EYS: variants seen among roughly 807,000 people sequenced by gnomAD.
The protein encoded by EYS is EGF-like photoreceptor maintenance factor, also known as protein eyes shut homolog.
EYS carries 250 observed loss-of-function variants against 282.1 expected under a neutral mutation model. The observed-to-expected ratio is 0.89, with a 90% confidence interval of 0.80 to 0.98. The LOEUF (loss-of-function observed/expected upper bound fraction) is 0.98. EYS is among the 50% of genes least tolerant of loss of function. EYS has a pLI of 0.00. For missense variants in EYS, 4,016 were observed against 3,709.0 expected (o/e 1.08, Z -2.15); for synonymous variants, 1,355 against 1,282.9 (o/e 1.06, Z -1.20).
At chr6:65,657,330 C>T (rs1336396973) in intron 1 of EYS, among the ~76,000 whole-genome samples, 1 of 151,660 alleles carries the variant, frequency 6.6e-6, no homozygotes, top group Admixed American at 6.6e-5. Flanking sequence ...TGCCGTAGAT[C>T]GTGATTTCTC....
At chr6:64,412,775 T>G (rs1773943229) in intron 28 of EYS, 1 of 152,122 alleles carries the variant, frequency 6.6e-6, no homozygotes, top group Non-Finnish European at 1.5e-5. Flanking sequence ...ATCAGACATG[T>G]GCAATTATCT....
At chr6:65,472,332 G>A (rs570089721) in intron 5 of EYS, among the ~76,000 whole-genome samples, 3 of 152,118 alleles carry the variant, frequency 2.0e-5, no homozygotes, top group Non-Finnish European at 2.9e-5. Context: ...TCTCTTGGAA[G>A]GCAGTACGTT....
intron 15 of EYS, among the ~76,000 whole-genome samples, chr6:64,917,075 C>A (rs1486202045): frequency 1.3e-5 from 2 of 152,030 alleles, no homozygotes; most frequent in African/African-American, 4.8e-5. Context: ...ATGGTGAAAC[C>A]CTGTCTCTAC....
intron 35 of EYS, among the ~76,000 whole-genome samples, chr6:63,890,835 A>G (rs1397271089): frequency 1.3e-5 from 2 of 151,122 alleles, no homozygotes; most frequent in African/African-American, 4.8e-5. Flanking sequence ...TTAACAAAAT[A>G]GAACACAAGC....
At chr6:65,486,407 A>T (rs1301153761) in intron 5 of EYS, among the ~76,000 whole-genome samples, 14 of 152,172 alleles carry the variant, frequency 9.2e-5, no homozygotes. Context: ...ACATTTTGGT[A>T]ACAGAATGCT....
At chr6:65,257,041 TG>T (rs1767487334) in intron 12 of EYS, among the ~76,000 whole-genome samples, 1 of 52,968 alleles carries the variant, frequency 1.9e-5, no homozygotes. Flanking sequence ...CATTTTTTCA[TG>T]TGTTTTTTGG....
chr6:65,468,891 A>T (rs985358176), intron 5 of EYS, among the ~76,000 whole-genome samples: 1 of 152,156 alleles, frequency 6.6e-6, no homozygotes, highest in Non-Finnish European at 1.5e-5. Context: ...TAAAACTTTA[A>T]GATTCTATGA....
intron 13 of EYS, among the ~76,000 whole-genome samples, chr6:65,047,342 G>C (rs1384079862): frequency 6.6e-6 from 1 of 151,662 alleles, no homozygotes; most frequent in Non-Finnish European, 1.5e-5. Flanking sequence ...TATTACCAAA[G>C]AACGACAGAT....
At chr6:63,840,506 T>A (rs1771928672) in intron 36 of EYS, among the ~76,000 whole-genome samples, 1 of 152,120 alleles carries the variant, frequency 6.6e-6, no homozygotes, top group Non-Finnish European at 1.5e-5. Flanking sequence ...TCTGTTGATT[T>A]TTTTTCCTTT....
At chr6:65,293,016 T>C (rs1582108615) in intron 12 of EYS, among the ~76,000 whole-genome samples, 1 of 151,734 alleles carries the variant, frequency 6.6e-6, no homozygotes, top group South Asian at 2.1e-4. Flanking sequence ...ATAAGGCTTA[T>C]CTCAGTCTCA....
At chr6:63,836,235 G>T (rs1035160552) in intron 36 of EYS, among the ~76,000 whole-genome samples, 1 of 152,026 alleles carries the variant, frequency 6.6e-6, no homozygotes, top group Non-Finnish European at 1.5e-5. Flanking sequence ...AACTTTGAAA[G>T]TATTTTGCTA....
intron 12 of EYS, among the ~76,000 whole-genome samples, chr6:65,106,082 TACTC>T (rs1561968402): frequency 1.3e-5 from 2 of 151,934 alleles, no homozygotes; most frequent in Admixed American, 6.6e-5. Context: ...TGGGGCTACT[TACTC>T]AGTAAATTCT....
At chr6:65,018,485 C>T (rs1159494906) in intron 13 of EYS, among the ~76,000 whole-genome samples, 1 of 152,142 alleles carries the variant, frequency 6.6e-6, no homozygotes, top group East Asian at 1.9e-4. Context: ...ATTAAGGGCC[C>T]ACCTACTCCA....
chr6:65,057,552 A>G, intron 13 of EYS, 62 bp downstream of exon 13: 2 of 981,428 alleles, frequency 2.0e-6, no homozygotes, highest in Non-Finnish European at 1.6e-6. Context: ...TTCAGACAAG[A>G]GACAGAAGTG....
chr6:64,197,106 T>C (rs1468116013), intron 31 of EYS, among the ~76,000 whole-genome samples: 2 of 152,144 alleles, frequency 1.3e-5, no homozygotes, highest in African/African-American at 4.8e-5. Flanking sequence ...CTTGCAGAGA[T>C]TCAATAAAAG....
chr6:64,215,391 TGTAA>T (rs1276436554), intron 31 of EYS, among the ~76,000 whole-genome samples: 1 of 152,032 alleles, frequency 6.6e-6, no homozygotes, highest in Non-Finnish European at 1.5e-5. Flanking sequence ...GAAGGGTAAA[TGTAA>T]GTGTTATAAA....
At chr6:64,154,808 A>T (rs1774861574) in intron 31 of EYS, among the ~76,000 whole-genome samples, 1 of 152,152 alleles carries the variant, frequency 6.6e-6, no homozygotes, top group Non-Finnish European at 1.5e-5. Context: ...TTCCAAGTAG[A>T]GATATGTCAT....
intron 22 of EYS, among the ~76,000 whole-genome samples, chr6:64,774,978 G>C (rs1773634995): frequency 1.3e-5 from 2 of 152,036 alleles, no homozygotes; most frequent in African/African-American, 2.4e-5. Flanking sequence ...CTAGGGAAAG[G>C]TATTTCTAGT....
chr6:64,104,227 A>C (rs186605555), intron 31 of EYS, among the ~76,000 whole-genome samples: 1 of 152,216 alleles, frequency 6.6e-6, no homozygotes. Flanking sequence ...CATTTTTTGA[A>C]TTGCTATGAT....
Sources: allele counts gnomAD v4.1 joint callset (sites outside exome capture counted in the v4.1 genomes callset), GRCh38; gene constraint gnomAD v4.1.1; transcripts MANE v1.5; gene names NCBI Gene and HGNC (gene_info 2026-07-23, HGNC 2026-07-21).